Variants in TDRD3 observed in about 807,000 individuals in gnomAD.
TDRD3 encodes tudor domain containing 3, also known as tudor domain-containing protein 3.
TDRD3 carries 45 observed loss-of-function variants against 86.7 expected under a neutral mutation model. That is an observed-to-expected ratio of 0.52 (90% confidence interval 0.41 to 0.67). The LOEUF (loss-of-function observed/expected upper bound fraction) is 0.67, where lower values mean the gene tolerates loss of function less well. Ranked by LOEUF, TDRD3 falls within the 30% of genes least tolerant of loss-of-function variation. TDRD3 has a pLI of 0.00. For synonymous variants in TDRD3, 298 were observed against 301.7 expected (o/e 0.99, Z 0.13); for missense variants, 814 against 889.0 (o/e 0.92, Z 1.07).
intron 3 of TDRD3, among the ~76,000 whole-genome samples, chr13:60,453,591 G>A (rs982535850): frequency 7.2e-5 from 11 of 152,096 alleles, no homozygotes; most frequent in Admixed American, 3.3e-4. Context: ...ATGTTTAACC[G>A]AGGTTCTTGA....
At position 60,555,848 on chromosome 13, in the gene TDRD3, C is replaced by CTTTTTT. The variant is rs770710929; in HGVS notation, c.2119-11674_2119-11673insTTTTTT. On this transcript the variant is annotated intron_variant, in intron 12 of 13. Transcript: ENST00000377881. ...GGTAGGAAAAAAAACCAACCTATTT[C>CTTTTTT]TTTCTTTTTTTTTTTTTTTTGAGAT... 1.9e-4 allele frequency among the ~76,000 whole-genome samples: 26 copies of CTTTTTT among 136,126 alleles called. 3 individuals are homozygous for CTTTTTT. Among genetic ancestry groups the CTTTTTT allele is most frequent in the African/African-American group, 2.5e-4 (9 of 36,316 alleles). The allele number at this position is 136,126 out of a possible 152,430, so 89.3% of individuals were successfully genotyped here. A position where few individuals can be genotyped will look rare whatever the true frequency, so the allele number is the denominator to read the frequency against.
At chr13:60,573,089 A>G (rs1157362300) in intron 13 of TDRD3, among the ~76,000 whole-genome samples, 1 of 152,214 alleles carries the variant, frequency 6.6e-6, no homozygotes, top group African/African-American at 2.4e-5. Flanking sequence ...TTCTCTCGCC[A>G]TTTATCTCAG....
chr13:60,404,731 A>T (rs1210173969), intron 1 of TDRD3, among the ~76,000 whole-genome samples: 1 of 152,172 alleles, frequency 6.6e-6, no homozygotes, highest in African/African-American at 2.4e-5. Context: ...CAGCCTCCTG[A>T]GTAGCTGGGA....
chr13:60,443,456 TTGAG>T (rs1266474717), intron 2 of TDRD3, among the ~76,000 whole-genome samples: 4 of 152,004 alleles, frequency 2.6e-5, no homozygotes, highest in Non-Finnish European at 5.9e-5. Flanking sequence ...GAGTTTTACT[TTGAG>T]TGATCCCTGC....
chr13:60,544,893 TAA>T (rs1275082417), intron 12 of TDRD3, among the ~76,000 whole-genome samples: 1 of 152,172 alleles, frequency 6.6e-6, no homozygotes, highest in Non-Finnish European at 1.5e-5. Flanking sequence ...ATCAGAATTT[TAA>T]GTTAGTATAT....
intron 12 of TDRD3, among the ~76,000 whole-genome samples, chr13:60,561,716 C>A (rs950562692): frequency 6.6e-6 from 1 of 152,244 alleles, no homozygotes; most frequent in African/African-American, 2.4e-5. Context: ...GAGGGGCAGT[C>A]GGGCTTGTGA....
rs148546254 is a variant in TDRD3 at position 60,565,156 on chromosome 13, C to T, written c.2119-2369C>T. Among the ~76,000 whole-genome samples the T allele has an allele frequency of 3.1e-3, 453 of 144,824 alleles. 2 individuals are homozygous for T. Among genetic ancestry groups the T allele is most frequent in the African/African-American group, 0.011 (422 of 38,734 alleles). On this transcript the variant is annotated intron_variant, in intron 12 of 13. Coordinates refer to ENST00000377881, the MANE Select transcript of TDRD3 (RefSeq NM_001146070.2). ...CTGCAAGCTTCGCCTCCCGGGTTCACGCCATTCTCCTGCCTCAGTCTCCCG... is the reference window on the plus strand; with the variant it reads ...CTGCAAGCTTCGCCTCCCGGGTTCATGCCATTCTCCTGCCTCAGTCTCCCG...
intron 8 of TDRD3, among the ~76,000 whole-genome samples, chr13:60,499,988 C>A (rs1338610770): frequency 6.6e-6 from 1 of 152,196 alleles, no homozygotes; most frequent in Admixed American, 6.5e-5. Flanking sequence ...CCCAGCAGAT[C>A]CAATGGTGCT....
intron 1 of TDRD3, among the ~76,000 whole-genome samples, chr13:60,399,011 A>AC (rs1009968443): frequency 6.6e-6 from 1 of 151,126 alleles, no homozygotes; most frequent in Non-Finnish European, 1.5e-5. Context: ...TTCCAACATG[A>AC]CCCCCCCTCC....
chr13:60,573,255 A>G (rs551924180), intron 13 of TDRD3, among the ~76,000 whole-genome samples: 7 of 152,322 alleles, frequency 4.6e-5, no homozygotes, highest in Non-Finnish European at 1.0e-4. Flanking sequence ...CGGTTAGGAT[A>G]GGGAAAGACG....
intron 13 of TDRD3, among the ~76,000 whole-genome samples, chr13:60,568,655 A>G (rs955619142): frequency 6.6e-6 from 1 of 152,248 alleles, no homozygotes; most frequent in African/African-American, 2.4e-5. Context: ...AAAAACTGCA[A>G]GCCTTTCCTC....
At chr13:60,469,163 A>G (rs947788924) in intron 5 of TDRD3, among the ~76,000 whole-genome samples, 1 of 152,172 alleles carries the variant, frequency 6.6e-6, no homozygotes, top group Non-Finnish European at 1.5e-5. Flanking sequence ...ATGTCCCAAA[A>G]AAGTAATTCA....
At chr13:60,569,866 G>A (rs752054990) in intron 13 of TDRD3, among the ~76,000 whole-genome samples, 6 of 152,142 alleles carry the variant, frequency 3.9e-5, no homozygotes, top group East Asian at 1.9e-4. Context: ...CTGGATATCC[G>A]TATATGGATG....
At chr13:60,492,800 A>G (rs1208135489) in intron 7 of TDRD3, among the ~76,000 whole-genome samples, 2 of 152,104 alleles carry the variant, frequency 1.3e-5, no homozygotes, top group African/African-American at 2.4e-5. Context: ...GTAGTTTATC[A>G]GCTACCTAAT....
intron 8 of TDRD3, among the ~76,000 whole-genome samples, chr13:60,506,867 A>G (rs995585663): frequency 2.6e-5 from 4 of 152,224 alleles, no homozygotes; most frequent in Admixed American, 1.3e-4. Flanking sequence ...TTAGCCTTAA[A>G]TGTAAATGGG....
intron 1 of TDRD3, among the ~76,000 whole-genome samples, chr13:60,411,150 C>T (rs951915776): frequency 6.6e-6 from 1 of 152,122 alleles, no homozygotes; most frequent in Non-Finnish European, 1.5e-5. Flanking sequence ...AAATTTTCTA[C>T]TAGTTATAAA....
In TDRD3 at chr13:60,433,362, T is replaced by A. The variant is rs375989562; in HGVS notation, c.42-6326T>A. 8.5e-5 allele frequency among the ~76,000 whole-genome samples: 13 copies of A among 152,332 alleles called. No individual in the cohort carries two copies. The East Asian group carries it at 2.5e-3, about 29-fold the overall frequency. On this transcript the variant is annotated intron_variant, in intron 1 of 13. Coordinates refer to ENST00000377881, the MANE Select transcript of TDRD3 (RefSeq NM_001146070.2). Reference sequence around the variant, plus strand: ...ATGGGTTCTTTATATGTCCAGTTTGTAAAATATTTATGTCAATGACCAGAC... The same window carrying A: ...ATGGGTTCTTTATATGTCCAGTTTGAAAAATATTTATGTCAATGACCAGAC...
intron 12 of TDRD3, chr13:60,537,189 CCTA>C (rs2035644404): frequency 6.6e-6 from 1 of 152,046 alleles, no homozygotes; most frequent in African/African-American, 2.4e-5. Context: ...TTTCTTTTCT[CCTA>C]CTTTTATAAT....
upstream of TDRD3, among the ~76,000 whole-genome samples, chr13:60,396,279 G>A (rs1953900947): frequency 6.6e-6 from 1 of 152,200 alleles, no homozygotes; most frequent in South Asian, 2.1e-4. Context: ...CCGCAATACG[G>A]GACGCCGCAG....
Sources: allele counts gnomAD v4.1 joint callset (sites outside exome capture counted in the v4.1 genomes callset), GRCh38; gene constraint gnomAD v4.1.1; transcripts MANE v1.5; gene names NCBI Gene and HGNC (gene_info 2026-07-23, HGNC 2026-07-21).